CCSER1: variants seen among roughly 807,000 people sequenced by gnomAD.
CCSER1 encodes serine-rich coiled-coil domain-containing protein 1.
A neutral mutation model predicts 82.0 loss-of-function variants in CCSER1; 41 were observed. The ratio of observed to expected loss-of-function variants is 0.50; its 90% CI spans 0.39 to 0.65. The LOEUF (loss-of-function observed/expected upper bound fraction) is 0.65. Ranked by LOEUF, CCSER1 falls within the 30% of genes least tolerant of loss-of-function variation. The pLI, the probability that CCSER1 is intolerant of heterozygous loss-of-function variation, is 0.00. For missense variants in CCSER1, 1,119 were observed against 1,064.2 expected, an observed-to-expected ratio of 1.05 and a Z score of -0.72; for synonymous variants, 414 against 383.9, an observed-to-expected ratio of 1.08 and a Z score of -0.92.
chr4:91,228,818 G>A (rs1158075629), intron 10 of CCSER1, among the ~76,000 whole-genome samples: 2 of 152,098 alleles, frequency 1.3e-5, no homozygotes, highest in Non-Finnish European at 2.9e-5. Context: ...AACATACGAG[G>A]AAGGCTGAGA....
At position 90,308,893 on chromosome 4, in the gene CCSER1, G is replaced by A; in HGVS notation, c.609G>A (p.Leu203=). 1.2e-6 allele frequency: 2 copies of A among 1,613,796 alleles called. No homozygotes were observed. Among genetic ancestry groups the A allele is most frequent in the South Asian group, 2.2e-5 (2 of 91,060 alleles). The part of the protein sequence containing the change: ...KPVLQSQSIS[L]VQQSEFSLEV... ...TTCTACAGAGCCAATCCATTTCATT[G>A]GTACAACAGTCTGAATTCTCATTGG... Residue 203 remains leucine, a synonymous_variant, in exon 2 of 11, where the codon TTG becomes TTA. Transcript: ENST00000509176.
chr4:90,198,142 G>A lies in CCSER1; in HGVS notation c.-42+70311G>A, dbSNP rs181526021. On this transcript the variant is annotated intron_variant, in intron 1 of 10. Coordinates refer to ENST00000509176, the MANE Select transcript of CCSER1 (RefSeq NM_001145065.2). ...GTTTATTTGGAGTCTTCATTACCTA[G>A]GCATGATTGATTAAATCATTGGCCA... is the stretch of plus-strand genomic sequence containing the variant. 6.6e-3 allele frequency among the ~76,000 whole-genome samples: 997 copies of A among 152,202 alleles called. 13 individuals are homozygous for A. The highest frequency in any genetic ancestry group is 0.041 in the South Asian group (197 of 4,810).
In CCSER1 at chr4:91,037,257, C is replaced by T. The variant is rs200422640; in HGVS notation, c.2173-48693C>T. Among the ~76,000 whole-genome samples, 245 of 78,018 alleles carry T rather than the reference C, an allele frequency of 3.1e-3. 1 individual carries two copies. Among genetic ancestry groups the T allele is most frequent in the South Asian group, 6.3e-3 (17 of 2,714 alleles). The allele number at this position is 78,018 out of a possible 152,430, so 51.2% of individuals were successfully genotyped here. ...TCACACACACACACACACACACACA[C>T]ATACATACACACACACACACACACA... On this transcript the variant is annotated intron_variant, in intron 9 of 10. Coordinates refer to ENST00000509176, the MANE Select transcript of CCSER1 (RefSeq NM_001145065.2).
intron 8 of CCSER1, among the ~76,000 whole-genome samples, chr4:90,836,434 TC>T (rs1000010779): frequency 3.3e-5 from 5 of 152,088 alleles, no homozygotes; most frequent in Non-Finnish European, 1.5e-5. Flanking sequence ...GAGTCACCTT[TC>T]CCCCCACTGC....
chr4:90,407,925 C>A (rs1753988117), intron 4 of CCSER1, among the ~76,000 whole-genome samples: 1 of 152,140 alleles, frequency 6.6e-6, no homozygotes, highest in African/African-American at 2.4e-5. Flanking sequence ...AAAATCGGGT[C>A]ACTCCTACCC....
intron 5 of CCSER1, among the ~76,000 whole-genome samples, chr4:90,605,931 C>A (rs1398731405): frequency 6.6e-6 from 1 of 151,612 alleles, no homozygotes; most frequent in Non-Finnish European, 1.5e-5. Flanking sequence ...ATAACATATG[C>A]CAAATCAATG....
chr4:90,699,913 G>A (rs1266864911), intron 6 of CCSER1, among the ~76,000 whole-genome samples: 1 of 151,560 alleles, frequency 6.6e-6, no homozygotes, highest in Non-Finnish European at 1.5e-5. Flanking sequence ...TAGCTAGCAG[G>A]CACCGTCTAT....
chr4:91,055,749 T>C (rs1743385564), intron 9 of CCSER1, among the ~76,000 whole-genome samples: 1 of 138,080 alleles, frequency 7.2e-6, no homozygotes, highest in Non-Finnish European at 1.6e-5. Flanking sequence ...TCTGCCCCTC[T>C]CCCCCTCTCC....
At chr4:90,586,833 T>C (rs973629088) in intron 5 of CCSER1, among the ~76,000 whole-genome samples, 5 of 152,220 alleles carry the variant, frequency 3.3e-5, no homozygotes, top group Non-Finnish European at 5.9e-5. Context: ...AATGCTGATA[T>C]GATGCTGTAG....
At chr4:91,507,746 A>C (rs1759579562) in intron 10 of CCSER1, among the ~76,000 whole-genome samples, 1 of 152,012 alleles carries the variant, frequency 6.6e-6, no homozygotes, top group Admixed American at 6.6e-5. Context: ...CAATTTAAAA[A>C]AATTTTAATA....
intron 10 of CCSER1, among the ~76,000 whole-genome samples, chr4:91,541,122 C>T (rs1761571210): frequency 6.6e-6 from 1 of 152,160 alleles, no homozygotes; most frequent in African/African-American, 2.4e-5. Flanking sequence ...ATCTACAGAA[C>T]AAGTTGCGGC....
intron 5 of CCSER1, among the ~76,000 whole-genome samples, chr4:90,549,776 A>C (rs1426286483): frequency 6.6e-6 from 1 of 152,002 alleles, no homozygotes; most frequent in East Asian, 1.9e-4. Context: ...GTTCCAGGTA[A>C]GTTTGTGATG....
At chr4:90,176,770 C>A (rs910712875) in intron 1 of CCSER1, among the ~76,000 whole-genome samples, 4 of 151,964 alleles carry the variant, frequency 2.6e-5, no homozygotes, top group Non-Finnish European at 4.4e-5. Flanking sequence ...TCAGGAGGGA[C>A]CTTCTAGGAG....
chr4:90,675,492 T>TG (rs1456727274), intron 6 of CCSER1, among the ~76,000 whole-genome samples: 1 of 152,146 alleles, frequency 6.6e-6, no homozygotes, highest in African/African-American at 2.4e-5. Context: ...ATTTTAAGTA[T>TG]GTTGAACTCA....
intron 1 of CCSER1, among the ~76,000 whole-genome samples, chr4:90,158,304 T>G (rs918479918): frequency 3.9e-5 from 6 of 152,168 alleles, no homozygotes; most frequent in African/African-American, 1.2e-4. Flanking sequence ...TGCCTCCCAG[T>G]TAGGCTGCTC....
At chr4:90,969,364 A>T (rs1300022698) in intron 9 of CCSER1, among the ~76,000 whole-genome samples, 1 of 152,018 alleles carries the variant, frequency 6.6e-6, no homozygotes, top group Admixed American at 6.6e-5. Context: ...TAAAAATATT[A>T]TGAAAAGTAA....
intron 8 of CCSER1, among the ~76,000 whole-genome samples, chr4:90,889,314 T>C (rs1291305427): frequency 1.3e-5 from 2 of 152,162 alleles, no homozygotes; most frequent in Non-Finnish European, 2.9e-5. Flanking sequence ...GAAATTTATG[T>C]AATGGTAACA....
At chr4:90,583,971 G>GA (rs1263451750) in intron 5 of CCSER1, among the ~76,000 whole-genome samples, 1 of 151,478 alleles carries the variant, frequency 6.6e-6, no homozygotes, top group Non-Finnish European at 1.5e-5. Flanking sequence ...CAATTTAAAA[G>GA]AAAAAAGTTG....
intron 5 of CCSER1, among the ~76,000 whole-genome samples, chr4:90,470,760 A>G (rs1406757990): frequency 7.4e-6 from 1 of 134,340 alleles, no homozygotes; most frequent in Non-Finnish European, 1.5e-5. Flanking sequence ...TTTTAATCAA[A>G]GCAAAAAAAA....
Sources: gnomAD v4.1 joint callset for allele counts (sites outside exome capture counted in the v4.1 genomes callset) on GRCh38, gnomAD v4.1.1 for gene constraint, MANE v1.5 for transcripts, NCBI Gene and HGNC (gene_info 2026-07-23, HGNC 2026-07-21) for gene names.